NEBL: variants seen among roughly 807,000 people sequenced by gnomAD.
NEBL encodes the protein nebulette.
NEBL carries 122 observed loss-of-function variants against 140.2 expected under a neutral mutation model. The ratio of observed to expected loss-of-function variants is 0.87; its 90% CI spans 0.75 to 1.01. The LOEUF is 1.01. Among genes scored for constraint, NEBL ranks in the 50% least tolerant of loss-of-function variants. The pLI is 0.00. For missense variants in NEBL, 1,365 were observed against 1,231.3 expected, an observed-to-expected ratio of 1.11 and a Z score of -1.62; for synonymous variants, 436 against 398.9, an observed-to-expected ratio of 1.09 and a Z score of -1.11.
chr10:20,983,688 G>T (rs1446214227), intron 3 of NEBL, among the ~76,000 whole-genome samples: 1 of 152,280 alleles, frequency 6.6e-6, no homozygotes, highest in East Asian at 1.9e-4. Flanking sequence ...CCAAAACTTG[G>T]CCTCATTAAT....
intron 2 of NEBL, among the ~76,000 whole-genome samples, chr10:21,047,876 G>A (rs958442995): frequency 1.3e-5 from 2 of 152,194 alleles, no homozygotes; most frequent in African/African-American, 4.8e-5. Flanking sequence ...AAATCATGAA[G>A]AGATATATAA....
intron 4 of NEBL, among the ~76,000 whole-genome samples, chr10:20,907,137 C>T (rs1269554116): frequency 2.0e-5 from 3 of 151,922 alleles, no homozygotes; most frequent in East Asian, 1.9e-4. Context: ...TCATATATAC[C>T]TTAAGCATGG....
At position 21,281,389 on chromosome 10, in the gene NEBL, T is replaced by C. The variant is rs1419173505; in HGVS notation, n.182+11441A>G. Among the ~76,000 whole-genome samples the C allele has an allele frequency of 2.0e-5, 3 of 152,116 alleles. No homozygotes were observed. The South Asian group carries it at 6.3e-4, about 32-fold the overall frequency. On this transcript the variant is annotated intron_variant and non_coding_transcript_variant, in intron 1 of 8. Coordinates refer to the NEBL transcript ENST00000675702. ...ATTGCCCAGGCTGGTCTCAAACTCC[T>C]TGCCTCAAGTAATCCTCCTGCCTCA...
chr10:20,806,771 A>T (rs534600135), intron 26 of NEBL, among the ~76,000 whole-genome samples: 13 of 152,368 alleles, frequency 8.5e-5, no homozygotes, highest in Admixed American at 6.5e-4. Context: ...ACATTTGGTG[A>T]CTAAATGAAT....
chr10:21,044,397 T>TAAAAAAAA lies in NEBL; in HGVS notation c.165-24204_165-24197dup, dbSNP rs57176129. On this transcript the variant is annotated intron_variant, in intron 2 of 6. Transcript: ENST00000417816. ...GGGTGACTGGGTGACAGAGTAAGAATAAAAAAAAAAAAAAAAAAAAAAAAA... is the reference window on the plus strand; with the variant it reads ...GGGTGACTGGGTGACAGAGTAAGAATAAAAAAAAAAAAAAAAAAAAAAAAAAAAAAAAA... 2.6e-3 allele frequency among the ~76,000 whole-genome samples: 92 copies of TAAAAAAAA among 34,864 alleles called. 13 individuals carry two copies. Among genetic ancestry groups the TAAAAAAAA allele is most frequent in the East Asian group, 7.5e-3 (7 of 936 alleles). The allele number at this position is 34,864 out of a possible 152,430, so 22.9% of individuals were successfully genotyped here. A position where few individuals can be genotyped will look rare whatever the true frequency, so the allele number is the denominator to read the frequency against.
chr10:21,029,702 G>T lies in NEBL; in HGVS notation c.165-9501C>A, dbSNP rs557496416. On this transcript the variant is annotated intron_variant, in intron 2 of 6. Coordinates refer to the NEBL transcript ENST00000417816. ...CGTTATGATTCAGACCAGTCTGGCC[G>T]TGGGTATTGGTATGAGTATCGGGAT... The T allele has an allele frequency of 1.4e-5, 13 of 942,992 alleles. No individual in the cohort carries two copies. The African/African-American group carries it at 1.4e-4, about 11-fold the overall frequency. 58.4% of individuals were successfully genotyped at this position (942,992 alleles called of 1,614,324 possible).
At chr10:21,007,593 C>T (rs1434973177) in intron 3 of NEBL, among the ~76,000 whole-genome samples, 3 of 152,004 alleles carry the variant, frequency 2.0e-5, no homozygotes, top group Admixed American at 6.6e-5. Flanking sequence ...ATCATCCAGG[C>T]GATTGCTTAG....
At chr10:21,280,432 A>G (rs1404249817) in intron 1 of NEBL, among the ~76,000 whole-genome samples, 1 of 152,116 alleles carries the variant, frequency 6.6e-6, no homozygotes, top group Non-Finnish European at 1.5e-5. Context: ...AATGGGGAGA[A>G]AGATTCTAGG....
At chr10:20,807,024 G>A (rs765228634) in intron 26 of NEBL, among the ~76,000 whole-genome samples, 7 of 152,036 alleles carry the variant, frequency 4.6e-5, no homozygotes, top group East Asian at 1.9e-4. Context: ...GTGACCCCAC[G>A]TCCAAAAAAA....
chr10:20,855,600 AAC>A (rs1277945656), intron 9 of NEBL, among the ~76,000 whole-genome samples: 9 of 152,098 alleles, frequency 5.9e-5, no homozygotes, highest in Non-Finnish European at 1.0e-4. Context: ...TTCCTTATAT[AAC>A]AGTCTCTGCT....
chr10:20,855,868 A>G (rs1843025698), intron 9 of NEBL, among the ~76,000 whole-genome samples: 1 of 152,202 alleles, frequency 6.6e-6, no homozygotes, highest in Non-Finnish European at 1.5e-5. Context: ...TGACAAATGG[A>G]TAATTTTGGC....
chr10:21,251,653 A>C (rs1042376271), intron 2 of NEBL, among the ~76,000 whole-genome samples: 2 of 152,162 alleles, frequency 1.3e-5, no homozygotes, highest in African/African-American at 4.8e-5. Context: ...TGGCATTTGG[A>C]AGTAGGGCTT....
intron 2 of NEBL, among the ~76,000 whole-genome samples, chr10:21,061,366 A>C (rs1243288556): frequency 2.1e-5 from 2 of 95,878 alleles, no homozygotes; most frequent in African/African-American, 8.5e-5. Flanking sequence ...TATATGGGTC[A>C]GATTTATGTT....
chr10:21,054,166 A>T (rs1589180951), intron 2 of NEBL, among the ~76,000 whole-genome samples: 1 of 152,340 alleles, frequency 6.6e-6, no homozygotes, highest in African/African-American at 2.4e-5. Context: ...TGACTCATCA[A>T]ATAGTGCTGT....
Position 20,807,183 on chromosome 10 carries a change from A to T in NEBL, c.2761+1327T>A, listed in dbSNP as rs151159657. 8.2e-3 allele frequency among the ~76,000 whole-genome samples: 1,242 copies of T among 152,164 alleles called. 20 individuals carry two copies. The highest frequency in any genetic ancestry group is 0.028 in the African/African-American group (1,145 of 41,516). Reference sequence around the variant, plus strand: ...TCTATAAAAAATACAAAAATTAGCTAGGTGTGGTGGCACACACCTGTAGAC... The same window carrying T: ...TCTATAAAAAATACAAAAATTAGCTTGGTGTGGTGGCACACACCTGTAGAC... On this transcript the variant is annotated intron_variant, in intron 26 of 27. Coordinates refer to ENST00000377122, the MANE Select transcript of NEBL (RefSeq NM_006393.3).
intron 5 of NEBL, among the ~76,000 whole-genome samples, chr10:20,870,604 G>A (rs1844824743): frequency 6.6e-6 from 1 of 152,148 alleles, no homozygotes; most frequent in South Asian, 2.1e-4. Flanking sequence ...GTGAAGCTCT[G>A]TAGTTCTCCA....
rs79829032 is a variant in NEBL at position 21,276,288 on chromosome 10, T to C, written n.182+16542A>G. Among the ~76,000 whole-genome samples the C allele has an allele frequency of 5.9e-3, 905 of 152,254 alleles. 5 individuals carry two copies. The highest frequency in any genetic ancestry group is 0.02 in the African/African-American group (838 of 41,552). ...CGCCCAGCCCAACTTACCACCTTTCTGTGCTTATAAAAACCTAGAATTTTT... is the reference window on the plus strand; with the variant it reads ...CGCCCAGCCCAACTTACCACCTTTCCGTGCTTATAAAAACCTAGAATTTTT... On this transcript the variant is annotated intron_variant and non_coding_transcript_variant, in intron 1 of 8. Coordinates refer to the NEBL transcript ENST00000675702.
At chr10:20,962,999 GAA>G (rs1295144542) in intron 3 of NEBL, among the ~76,000 whole-genome samples, 62 of 104,210 alleles carry the variant, frequency 5.9e-4, no homozygotes, top group African/African-American at 2.0e-3. Flanking sequence ...AAGCTTGAAA[GAA>G]AAACACACAC....
chr10:21,044,662 A>C (rs1197031137), intron 2 of NEBL, among the ~76,000 whole-genome samples: 1 of 152,166 alleles, frequency 6.6e-6, no homozygotes, highest in African/African-American at 2.4e-5. Flanking sequence ...GCTATTTCTT[A>C]AATGTGTTCT....
Sources: gnomAD v4.1 joint callset for allele counts (sites outside exome capture counted in the v4.1 genomes callset) on GRCh38, gnomAD v4.1.1 for gene constraint, MANE v1.5 for transcripts, NCBI Gene and HGNC (gene_info 2026-07-23, HGNC 2026-07-21) for gene names.